The following TENM4 variants were observed in gnomAD, a reference collection of about 807,000 sequenced individuals.
The protein encoded by TENM4 is teneurin-4.
TENM4 carries 82 observed loss-of-function variants against 243.3 expected under a neutral mutation model. The ratio of observed to expected loss-of-function variants is 0.34; its 90% CI spans 0.28 to 0.40. The LOEUF is 0.40. Ranked by LOEUF, TENM4 falls within the 10% of genes least tolerant of loss-of-function variation. The probability of loss-of-function intolerance (pLI) is 1.00; values close to 1 mark genes in which losing one functional copy is unlikely to be tolerated. For missense variants in TENM4, 3,138 were observed against 3,673.3 expected, an observed-to-expected ratio of 0.85 and a Z score of 3.77; for synonymous variants, 1,412 against 1,456.3, an observed-to-expected ratio of 0.97 and a Z score of 0.69.
chr11:79,226,987 G>A (rs540504512), intron 2 of TENM4, among the ~76,000 whole-genome samples: 1 of 152,326 alleles, frequency 6.6e-6, no homozygotes, highest in East Asian at 1.9e-4. Flanking sequence ...GGCCTGCTCT[G>A]CTGTGCTCTG....
intron 9 of TENM4, among the ~76,000 whole-genome samples, chr11:78,882,172 T>C (rs1855445019): frequency 6.6e-6 from 1 of 152,176 alleles, no homozygotes; most frequent in African/African-American, 2.4e-5. Flanking sequence ...CCAAGTGTAA[T>C]AGGCTCATGC....
intron 1 of TENM4, among the ~76,000 whole-genome samples, chr11:79,415,588 A>G (rs772761834): frequency 1.3e-5 from 2 of 152,148 alleles, no homozygotes; most frequent in Non-Finnish European, 2.9e-5. Flanking sequence ...AGCTTGCCCA[A>G]GGTGACAGTG....
At chr11:79,155,013 C>T (rs1215960452) in intron 3 of TENM4, among the ~76,000 whole-genome samples, 1 of 152,110 alleles carries the variant, frequency 6.6e-6, no homozygotes, top group Non-Finnish European at 1.5e-5. Flanking sequence ...TCAGCTCGAC[C>T]CTCCCTTCTC....
At chr11:78,920,011 C>T (rs1038522385) in intron 6 of TENM4, among the ~76,000 whole-genome samples, 1 of 152,094 alleles carries the variant, frequency 6.6e-6, no homozygotes, top group South Asian at 2.1e-4. Flanking sequence ...TGCATATGTC[C>T]CCCACTAATC....
intron 12 of TENM4, among the ~76,000 whole-genome samples, chr11:78,849,609 G>C (rs187479277): frequency 1.5e-4 from 23 of 152,316 alleles, no homozygotes; most frequent in African/African-American, 4.3e-4. Flanking sequence ...TGAATGAATA[G>C]ATGGAAAAGA....
At chr11:79,207,847 C>A (rs1461533280) in intron 3 of TENM4, among the ~76,000 whole-genome samples, 1 of 119,606 alleles carries the variant, frequency 8.4e-6, no homozygotes, top group East Asian at 2.5e-4. Flanking sequence ...GCCTGGATGA[C>A]AGAGCCAGAC....
chr11:79,300,987 C>T (rs990469436), intron 1 of TENM4, among the ~76,000 whole-genome samples: 2 of 152,132 alleles, frequency 1.3e-5, no homozygotes, highest in African/African-American at 4.8e-5. Context: ...CCTATCAGTT[C>T]TACCTCCTAA....
intron 6 of TENM4, among the ~76,000 whole-genome samples, chr11:78,975,600 A>ACC (rs1474381851): frequency 1.4e-5 from 2 of 145,916 alleles, no homozygotes; most frequent in East Asian, 3.9e-4. Flanking sequence ...ACACACACCC[A>ACC]CACACACACA....
intron 12 of TENM4, among the ~76,000 whole-genome samples, chr11:78,845,338 T>C (rs929226501): frequency 6.6e-6 from 1 of 152,230 alleles, no homozygotes; most frequent in Non-Finnish European, 1.5e-5. Flanking sequence ...TCAGATTCTC[T>C]AAAGTAAGTT....
At chr11:79,433,247 G>C (rs1196202868) in intron 1 of TENM4, among the ~76,000 whole-genome samples, 1 of 152,144 alleles carries the variant, frequency 6.6e-6, no homozygotes, top group Non-Finnish European at 1.5e-5. Context: ...CAGCACCTGG[G>C]AGCTGGCGAA....
chr11:78,669,250 G>T lies in TENM4; in HGVS notation c.7095C>A (p.Thr2365=), dbSNP rs772851844. Residue 2365 remains threonine (T), a synonymous_variant, in exon 32 of 34, where the codon ACC becomes ACA. Transcript: ENST00000278550. The surrounding 1 kb of genome is among the most constrained non-coding windows in gnomAD (Gnocchi z 6.4). ...CTGTTCCACTAAAGACAGCAAGAGGGGTCCCGATGTTGTCACAAGCTATGT... is the reference window on the plus strand; with the variant it reads ...CTGTTCCACTAAAGACAGCAAGAGGTGTCCCGATGTTGTCACAAGCTATGT... ...EFYIACDNIG[T]PLAVFSGTGL... is the part of the protein sequence containing the mutation. 7 of 1,613,830 alleles carry T rather than the reference G, an allele frequency of 4.3e-6. No homozygotes were observed. In the Admixed American group the frequency reaches 8.3e-5, roughly 19 times the overall value.
chr11:79,183,338 T>C (rs112740260), intron 3 of TENM4, among the ~76,000 whole-genome samples: 29 of 152,306 alleles, frequency 1.9e-4, no homozygotes, highest in African/African-American at 7.0e-4. Context: ...CCATTGACAT[T>C]CTGGAAAAAG....
chr11:79,382,026 C>T (rs984647614), intron 1 of TENM4, among the ~76,000 whole-genome samples: 8 of 152,154 alleles, frequency 5.3e-5, no homozygotes, highest in Non-Finnish European at 7.3e-5. Context: ...GCATTTGGCA[C>T]GTGCCAGATA....
In TENM4 at chr11:78,805,282, C is replaced by CCCCCCCACACCCCCCCCCCCCAAAA; in HGVS notation, c.2179+9_2179+10insTTTTGGGGGGGGGGGGTGTGGGGGG. On this transcript the variant is annotated intron_variant, in intron 15 of 33. Transcript: ENST00000278550. ...CCCTCTACCCATGCTTCTTCTCCCC[C>CCCCCCCACACCCCCCCCCCCCAAAA]TGCATTTACCGATAGAACAGTCGTG... The CCCCCCCACACCCCCCCCCCCCAAAA allele has an allele frequency of 1.0e-6, 1 of 995,566 alleles. No individual in the cohort carries two copies. Among genetic ancestry groups the CCCCCCCACACCCCCCCCCCCCAAAA allele is most frequent in the Non-Finnish European group, 1.2e-6 (1 of 823,788 alleles). The allele number at this position is 995,566 out of a possible 1,614,324, so 61.7% of individuals were successfully genotyped here.
At chr11:78,861,746 G>T (rs1407094957) in intron 10 of TENM4, among the ~76,000 whole-genome samples, 1 of 152,178 alleles carries the variant, frequency 6.6e-6, no homozygotes, top group Non-Finnish European at 1.5e-5. Context: ...GCAAATTATT[G>T]CAAGGGCAGA....
chr11:79,293,232 T>C (rs1856386306), intron 2 of TENM4, among the ~76,000 whole-genome samples: 1 of 152,212 alleles, frequency 6.6e-6, no homozygotes, highest in Admixed American at 6.5e-5. Context: ...TTGGCATATT[T>C]ATTAACTCTT....
chr11:78,938,004 G>C (rs1052096306), intron 6 of TENM4, among the ~76,000 whole-genome samples: 1 of 152,096 alleles, frequency 6.6e-6, no homozygotes, highest in African/African-American at 2.4e-5. Context: ...TCCCACCGAG[G>C]TTATTTTAAC....
At chr11:79,005,304 G>A (rs1336259738) in intron 6 of TENM4, among the ~76,000 whole-genome samples, 9 of 151,708 alleles carry the variant, frequency 5.9e-5, no homozygotes, top group Admixed American at 5.3e-4. Flanking sequence ...CAGAGAAAAA[G>A]AGAAAACTTT....
chr11:78,767,137 G>A (rs927816253), intron 18 of TENM4, among the ~76,000 whole-genome samples: 7 of 152,192 alleles, frequency 4.6e-5, no homozygotes, highest in African/African-American at 1.4e-4. Flanking sequence ...GATCTACAAT[G>A]GGCCATATGT....
Sources: gnomAD v4.1 joint callset for allele counts (sites outside exome capture counted in the v4.1 genomes callset) on GRCh38, gnomAD v4.1.1 for gene constraint, Gnocchi (gnomAD v3.1) non-coding constraint, MANE v1.5 for transcripts, NCBI Gene and HGNC (gene_info 2026-07-23, HGNC 2026-07-21) for gene names.